The following RALGAPA1 variants were observed in gnomAD, a reference collection of about 807,000 sequenced individuals.
RALGAPA1 encodes the protein ral GTPase-activating protein subunit alpha-1.
In RALGAPA1, 52 loss-of-function variants were observed where a neutral mutation model predicts 269.6. The ratio of observed to expected loss-of-function variants is 0.19; its 90% CI spans 0.15 to 0.24. The LOEUF is 0.24. Among genes scored for constraint, RALGAPA1 ranks in the 10% least tolerant of loss-of-function variants. RALGAPA1 has a pLI of 1.00. For missense variants in RALGAPA1, 1,917 were observed against 3,013.9 expected (o/e 0.64, Z 8.52); for synonymous variants, 817 against 1,008.3 (o/e 0.81, Z 3.60).
At chr14:35,777,542 A>G (rs1050383421) in intron 1 of RALGAPA1, among the ~76,000 whole-genome samples, 1 of 152,184 alleles carries the variant, frequency 6.6e-6, no homozygotes, top group Admixed American at 6.6e-5. Flanking sequence ...CTTCTCTTAC[A>G]ATACAAAATA....
At chr14:35,619,284 A>G (rs1566838812) in intron 35 of RALGAPA1, among the ~76,000 whole-genome samples, 1 of 152,188 alleles carries the variant, frequency 6.6e-6, no homozygotes, top group Non-Finnish European at 1.5e-5. Flanking sequence ...CCCATTTTCC[A>G]TGATGTGATT....
chr14:35,795,167 A>G (rs1013250626), intron 1 of RALGAPA1, among the ~76,000 whole-genome samples: 2 of 152,196 alleles, frequency 1.3e-5, no homozygotes, highest in African/African-American at 4.8e-5. Flanking sequence ...GGTGTGTCCT[A>G]TGACCACTCC....
rs1383162512 is a variant in RALGAPA1 at position 35,771,011 on chromosome 14, T to C, written c.268-12A>G. On this transcript the variant is annotated splice_polypyrimidine_tract_variant and intron_variant, in intron 3 of 41. Transcript: ENST00000680220. ...AGTTGTAAAATTTTCTAAAAATCAATATAAAGAGAAAAAAAGAAAAGAATA... is the reference window on the plus strand; with the variant it reads ...AGTTGTAAAATTTTCTAAAAATCAACATAAAGAGAAAAAAAGAAAAGAATA... The C allele has an allele frequency of 3.3e-6, 4 of 1,220,472 alleles. No homozygotes were observed. In the African/African-American group the frequency reaches 4.6e-5, roughly 14 times the overall value. The allele number at this position is 1,220,472 out of a possible 1,614,324, so 75.6% of individuals were successfully genotyped here. A position where few individuals can be genotyped will look rare whatever the true frequency, so the allele number is the denominator to read the frequency against.
Position 35,709,801 on chromosome 14 carries a change from C to T in RALGAPA1, c.2267-9499G>A, listed in dbSNP as rs561247843. ...TATCTTGAAACATCTTTGAACTGTG[C>T]GTTATTTAGAAGTGTGTCGTTTAAT... On this transcript the variant is annotated intron_variant, in intron 16 of 41. Transcript: ENST00000680220. 2.1e-4 allele frequency among the ~76,000 whole-genome samples: 32 copies of T among 152,152 alleles called. No individual in the cohort carries two copies. In the South Asian group the frequency reaches 5.4e-3, roughly 26 times the overall value.
intron 12 of RALGAPA1, among the ~76,000 whole-genome samples, chr14:35,736,908 T>C (rs1000575072): frequency 6.6e-6 from 1 of 151,898 alleles, no homozygotes; most frequent in African/African-American, 2.4e-5. Flanking sequence ...TGGTGGCGTG[T>C]GCCTGTAATC....
chr14:35,708,826 C>T (rs1419458062), intron 16 of RALGAPA1, among the ~76,000 whole-genome samples: 1 of 152,134 alleles, frequency 6.6e-6, no homozygotes, highest in Non-Finnish European at 1.5e-5. Flanking sequence ...TTCACAATAG[C>T]CAAGATATGG....
intron 36 of RALGAPA1, among the ~76,000 whole-genome samples, chr14:35,604,514 T>G (rs1004582497): frequency 6.6e-6 from 1 of 151,862 alleles, no homozygotes; most frequent in Non-Finnish European, 1.5e-5. Context: ...TATCAGACAC[T>G]GTGAAAGGCA....
intron 35 of RALGAPA1, among the ~76,000 whole-genome samples, chr14:35,613,826 AT>A (rs1441852713): frequency 6.6e-6 from 1 of 152,212 alleles, no homozygotes; most frequent in African/African-American, 2.4e-5. Flanking sequence ...TGGACATGAG[AT>A]TCTGAGAGAA....
intron 1 of RALGAPA1, among the ~76,000 whole-genome samples, chr14:35,794,381 T>C (rs2076407765): frequency 6.6e-6 from 1 of 152,168 alleles, no homozygotes; most frequent in South Asian, 2.1e-4. Flanking sequence ...TGGCTTACTT[T>C]TATAGGCAGG....
Position 35,625,444 on chromosome 14 carries a change from G to A in RALGAPA1, c.6858-12C>T. 1.3e-6 allele frequency: 2 copies of A among 1,577,108 alleles called. No individual in the cohort carries two copies. Among genetic ancestry groups the A allele is most frequent in the Non-Finnish European group, 1.7e-6 (2 of 1,154,974 alleles). On this transcript the variant is annotated splice_polypyrimidine_tract_variant and intron_variant, in intron 34 of 41. Transcript: ENST00000680220. ...GATGAAAGCTCCTCCTAAATAGAGA[G>A]ATTTATAAACATTTTCATCACCTTT...
intron 37 of RALGAPA1, among the ~76,000 whole-genome samples, chr14:35,574,686 CTT>C (rs1404030814): frequency 6.6e-6 from 1 of 151,956 alleles, no homozygotes; most frequent in Non-Finnish European, 1.5e-5. Flanking sequence ...TGCTATGTGT[CTT>C]GGGAATTTTT....
intron 33 of RALGAPA1, among the ~76,000 whole-genome samples, chr14:35,634,037 A>G (rs2061517041): frequency 6.6e-6 from 1 of 152,182 alleles, no homozygotes; most frequent in Non-Finnish European, 1.5e-5. Context: ...GATATTTAGC[A>G]ATTGAGAGTC....
intron 7 of RALGAPA1, 112 bp downstream of exon 7, chr14:35,756,681 C>CA: frequency 1.4e-6 from 1 of 730,800 alleles, no homozygotes; most frequent in Non-Finnish European, 2.1e-6. Flanking sequence ...ACCTCCCTGA[C>CA]AAAAAGAAAA....
intron 12 of RALGAPA1, among the ~76,000 whole-genome samples, chr14:35,732,161 C>G (rs2070543281): frequency 6.6e-6 from 1 of 152,136 alleles, no homozygotes; most frequent in African/African-American, 2.4e-5. Flanking sequence ...AGGAAAGATA[C>G]AGTCTTTTTC....
At chr14:35,728,231 T>C in intron 13 of RALGAPA1, 131 bp downstream of exon 13, 1 of 869,812 alleles carries the variant, frequency 1.1e-6, no homozygotes, top group Non-Finnish European at 1.5e-6. Context: ...ATTAATTTTA[T>C]ATTTATTCAA....
At chr14:35,645,347 GT>G (rs1338151689) in intron 31 of RALGAPA1, among the ~76,000 whole-genome samples, 329 of 14,088 alleles carry the variant, frequency 0.023, 1 homozygote, top group African/African-American at 0.17. Context: ...ATAGAGATGG[GT>G]GTGTGTGTGT....
intron 6 of RALGAPA1, among the ~76,000 whole-genome samples, chr14:35,758,748 A>C (rs1041594371): frequency 2.6e-5 from 4 of 152,110 alleles, no homozygotes; most frequent in Non-Finnish European, 4.4e-5. Flanking sequence ...TTGAGACCTT[A>C]TCTCTTAAAA....
chr14:35,748,241 T>G (rs1013654243), intron 10 of RALGAPA1, among the ~76,000 whole-genome samples: 14 of 151,840 alleles, frequency 9.2e-5, no homozygotes, highest in African/African-American at 3.1e-4. Context: ...AAACTAAGTA[T>G]AAACTTAGTT....
intron 35 of RALGAPA1, among the ~76,000 whole-genome samples, chr14:35,616,594 G>C (rs185072718): frequency 2.6e-5 from 4 of 152,272 alleles, no homozygotes; most frequent in Non-Finnish European, 5.9e-5. Context: ...AGACACTAAT[G>C]TAAGATGTAA....
Sources: allele counts gnomAD v4.1 joint callset (sites outside exome capture counted in the v4.1 genomes callset), GRCh38; gene constraint gnomAD v4.1.1; transcripts MANE v1.5; gene names NCBI Gene and HGNC (gene_info 2026-07-23, HGNC 2026-07-21).